ERICH6: variants seen among roughly 807,000 people sequenced by gnomAD.
ERICH6 encodes glutamate rich 6.
In ERICH6, 71 loss-of-function variants were observed where a neutral mutation model predicts 71.0. The ratio of observed to expected loss-of-function variants is 1.00; its 90% confidence interval spans 0.83 to 1.22. The LOEUF (loss-of-function observed/expected upper bound fraction) is 1.22, where lower values mean the gene tolerates loss of function less well. Ranked by LOEUF, ERICH6 falls within the 50% of genes most tolerant of loss-of-function variation. The probability of loss-of-function intolerance (pLI) is 0.00; values close to 1 mark genes in which losing one functional copy is unlikely to be tolerated. For synonymous variants in ERICH6, 262 were observed against 278.4 expected (o/e 0.94, Z 0.59); for missense variants, 808 against 797.2 (o/e 1.01, Z -0.16).
At chr3:150,684,942 T>G (rs1329382645) in intron 6 of ERICH6, among the ~76,000 whole-genome samples, 3 of 152,014 alleles carry the variant, frequency 2.0e-5, no homozygotes, top group Non-Finnish European at 4.4e-5. Flanking sequence ...AGGTTGAGAC[T>G]GTAGTGAACC....
chr3:150,682,404 G>T, intron 6 of ERICH6, 88 bp from the exon 7 acceptor site: 1 of 893,780 alleles, frequency 1.1e-6, no homozygotes, highest in South Asian at 1.4e-5. Flanking sequence ...CCTGGGCATG[G>T]TCAGTGAATG....
chr3:150,667,602 G>A (rs1203823356), intron 12 of ERICH6, among the ~76,000 whole-genome samples: 2 of 152,086 alleles, frequency 1.3e-5, no homozygotes, highest in Admixed American at 6.6e-5. Context: ...CCCACGAGGC[G>A]ACCCCATCTC....
In ERICH6 at chr3:150,700,686, C is replaced by T. The variant is rs551788679; in HGVS notation, c.461+1435G>A. Among the ~76,000 whole-genome samples the T allele has an allele frequency of 2.0e-4, 31 of 152,170 alleles. 1 individual carries two copies. In the South Asian group the frequency reaches 6.2e-3, roughly 31 times the overall value. On this transcript the variant is annotated intron_variant, in intron 2 of 13. Transcript: ENST00000295910. ...GCAACCTCCACCTCCTGGGTTCAAG[C>T]GATTCTCCTGCCTCAGCCTCCCAAG...
At chr3:150,673,897 G>A (rs1285104837) in intron 11 of ERICH6, 59 bp downstream of exon 11, 2 of 1,536,138 alleles carry the variant, frequency 1.3e-6, no homozygotes, top group Non-Finnish European at 1.8e-6. Flanking sequence ...TTCCTTCCTT[G>A]AGCTTTCTTT....
At chr3:150,681,376 C>T (rs1292297183) in intron 7 of ERICH6, among the ~76,000 whole-genome samples, 1 of 152,226 alleles carries the variant, frequency 6.6e-6, no homozygotes, top group Admixed American at 6.5e-5. Context: ...TTCAGTACTT[C>T]ACATTTCTTT....
intron 3 of ERICH6, among the ~76,000 whole-genome samples, chr3:150,693,533 T>C (rs1712532186): frequency 2.0e-5 from 3 of 152,216 alleles, no homozygotes; most frequent in African/African-American, 4.8e-5. Context: ...AATCAATGGC[T>C]GGGCTCAACT....
intron 13 of ERICH6, among the ~76,000 whole-genome samples, chr3:150,663,170 A>C (rs1727284613): frequency 6.6e-6 from 1 of 152,180 alleles, no homozygotes; most frequent in Admixed American, 6.5e-5. Context: ...GGCCAGAAGC[A>C]GGGAGACTTA....
At chr3:150,684,232 A>G (rs1243764199) in intron 6 of ERICH6, among the ~76,000 whole-genome samples, 1 of 152,180 alleles carries the variant, frequency 6.6e-6, no homozygotes, top group Non-Finnish European at 1.5e-5. Context: ...CAATAAATAA[A>G]TAAAAAAACA....
intron 3 of ERICH6, among the ~76,000 whole-genome samples, chr3:150,697,190 G>T (rs1162848457): frequency 1.3e-5 from 2 of 152,000 alleles, no homozygotes; most frequent in Non-Finnish European, 2.9e-5. Flanking sequence ...AACAAAAGGG[G>T]CCACACTACT....
At chr3:150,686,863 T>A (rs1712214056) in intron 3 of ERICH6, among the ~76,000 whole-genome samples, 1 of 152,192 alleles carries the variant, frequency 6.6e-6, no homozygotes, top group Non-Finnish European at 1.5e-5. Flanking sequence ...TCTCTTGAGC[T>A]CTGGGGCCAT....
At chr3:150,685,602 A>G (rs557952394) in intron 6 of ERICH6, 140 bp downstream of exon 6, 9 of 713,212 alleles carry the variant, frequency 1.3e-5, no homozygotes, top group African/African-American at 1.3e-4. Flanking sequence ...AGACACTCTA[A>G]GTGCTATTCT....
chr3:150,680,603 CA>C (rs1182741274), intron 8 of ERICH6, 65 bp from the exon 9 acceptor site: 21 of 1,592,038 alleles, frequency 1.3e-5, no homozygotes, highest in Non-Finnish European at 2.6e-6. Context: ...CAGTCTACTA[CA>C]AAATTCAGCT....
chr3:150,665,827 CAAAAAAAA>C (rs530457228), intron 13 of ERICH6, among the ~76,000 whole-genome samples: 4 of 69,990 alleles, frequency 5.7e-5, no homozygotes, highest in Non-Finnish European at 1.3e-4. Flanking sequence ...GGCTCCATCT[CAAAAAAAA>C]AAAAAAAAAA....
intron 3 of ERICH6, among the ~76,000 whole-genome samples, chr3:150,688,666 T>C (rs1323185226): frequency 6.6e-6 from 1 of 152,234 alleles, no homozygotes; most frequent in Non-Finnish European, 1.5e-5. Context: ...CATATCTGAT[T>C]GCCTCCTTTG....
chr3:150,669,200 ATCT>A (rs1711496615), intron 12 of ERICH6, 93 bp downstream of exon 12: 6 of 1,332,238 alleles, frequency 4.5e-6, no homozygotes, highest in Non-Finnish European at 6.1e-6. Context: ...ACTTAAATAA[ATCT>A]TCTGAAACCC....
At chr3:150,702,823 T>G (rs1021630991) in intron 1 of ERICH6, among the ~76,000 whole-genome samples, 7 of 148,736 alleles carry the variant, frequency 4.7e-5, no homozygotes, top group African/African-American at 1.7e-4. Flanking sequence ...AGAGAGTTGT[T>G]TTTTTTTTTT....
intron 10 of ERICH6, among the ~76,000 whole-genome samples, chr3:150,676,219 T>A (rs1711647936): frequency 1.3e-5 from 2 of 152,124 alleles, no homozygotes; most frequent in Non-Finnish European, 2.9e-5. Context: ...TCTAACCTGC[T>A]CTCAGCTTTC....
In ERICH6 at chr3:150,678,485, T is replaced by A. The variant is rs780983077; in HGVS notation, c.1181A>T (p.Asp394Val). The A allele has an allele frequency of 1.8e-5, 29 of 1,603,800 alleles. No homozygotes were observed. In the South Asian group the frequency reaches 2.0e-4, roughly 11 times the overall value. ...TCTTAGTTGAAAATCAAATACAATGTCATCAATTATCTGTTTTTCTGGAAT... is the reference window on the plus strand; with the variant it reads ...TCTTAGTTGAAAATCAAATACAATGACATCAATTATCTGTTTTTCTGGAAT... ...VDIPEKQIIDDIVFDFQLRNS... is the reference protein window; with the variant it reads ...VDIPEKQIIDVIVFDFQLRNS... The change falls in exon 10 of 14, where the codon GAC (aspartate) becomes GTC (valine). Residue 394 changes from aspartate (D) to valine (V), a missense_variant. Asp to Val is a radical substitution (Grantham distance 152). Around this residue, in one of 3 missense-constraint regions of ERICH6, gnomAD observed 736 missense variants for 712.2 expected, o/e 1.03. Transcript: ENST00000295910.
intron 3 of ERICH6, among the ~76,000 whole-genome samples, chr3:150,692,597 G>A (rs1372587669): frequency 6.6e-6 from 1 of 152,086 alleles, no homozygotes; most frequent in East Asian, 1.9e-4. Context: ...TCTTTGGCCT[G>A]TATTTGTATA....
Sources: gnomAD v4.1 joint callset for allele counts (sites outside exome capture counted in the v4.1 genomes callset) on GRCh38, gnomAD v4.1.1 for gene constraint, gnomAD v4.1.1 regional missense constraint, MANE v1.5 for transcripts, NCBI Gene and HGNC (gene_info 2026-07-23, HGNC 2026-07-21) for gene names.